Variants in BICC1 observed in about 807,000 individuals in gnomAD.
BICC1 encodes protein bicaudal C homolog 1.
A neutral mutation model predicts 111.0 loss-of-function variants in BICC1; 43 were observed. The ratio of observed to expected loss-of-function variants is 0.39; its 90% CI spans 0.30 to 0.50. The LOEUF is 0.50. BICC1 is among the 20% of genes least tolerant of loss of function. The pLI, the probability that BICC1 is intolerant of heterozygous loss-of-function variation, is 0.88. For synonymous variants in BICC1, 467 were observed against 434.4 expected (o/e 1.07, Z -0.93); for missense variants, 1,091 against 1,203.2 (o/e 0.91, Z 1.38).
intron 3 of BICC1, among the ~76,000 whole-genome samples, chr10:58,748,415 A>C (rs1255757830): frequency 6.6e-6 from 1 of 151,856 alleles, no homozygotes; most frequent in Admixed American, 6.6e-5. Flanking sequence ...TAAATTGGTT[A>C]CTTTTCCTAA....
chr10:58,727,681 T>C (rs774689731), intron 3 of BICC1, among the ~76,000 whole-genome samples: 1 of 152,192 alleles, frequency 6.6e-6, no homozygotes, highest in Non-Finnish European at 1.5e-5. Flanking sequence ...ATAGATTTCT[T>C]TTTGTATTGA....
chr10:58,632,964 AAGTT>A (rs1422325009), intron 2 of BICC1, among the ~76,000 whole-genome samples: 3 of 152,150 alleles, frequency 2.0e-5, no homozygotes, highest in Non-Finnish European at 2.9e-5. Flanking sequence ...TGAAATCTAA[AAGTT>A]AGGAGATCAT....
chr10:58,704,783 G>C (rs1311160337), intron 3 of BICC1, among the ~76,000 whole-genome samples: 1 of 152,200 alleles, frequency 6.6e-6, no homozygotes, highest in Admixed American at 6.5e-5. Flanking sequence ...TCCCCAGGCT[G>C]AGCTAGAGAG....
At chr10:58,715,665 A>G in intron 3 of BICC1, 1 of 1,601,984 alleles carries the variant, frequency 6.2e-7, no homozygotes, top group Non-Finnish European at 8.5e-7. Flanking sequence ...GAATTGACCA[A>G]GGCCTACCTG....
At position 58,828,839 on chromosome 10, in the gene BICC1, G is replaced by C. The variant is rs1317239559; in HGVS notation, c.2873G>C (p.Arg958Thr). The stretch of plus-strand genomic sequence containing the variant: ...TTCCTGGAAGGTGGAGCGAGTGGAA[G>C]GCTACCCCGTCAGTATCACTCAGAC... The part of the protein sequence containing the change: ...TSFLEGGASG[R>T]LPRQYHSDIA... The change falls in exon 21 of 21, where the codon AGG (arginine) becomes ACG (threonine). Residue 958 changes from arginine to threonine, a missense_variant. Physicochemically the swap from Arg to Thr is moderately conservative, Grantham distance 71. Coordinates refer to ENST00000373886, the MANE Select transcript of BICC1 (RefSeq NM_001080512.3). 2 of 1,614,028 alleles carry C rather than the reference G, an allele frequency of 1.2e-6. No homozygotes were observed. Among genetic ancestry groups the C allele is most frequent in the Non-Finnish European group, 1.7e-6 (2 of 1,179,920 alleles).
intron 1 of BICC1, among the ~76,000 whole-genome samples, chr10:58,552,636 C>T (rs1288172375): frequency 6.6e-6 from 1 of 152,094 alleles, no homozygotes; most frequent in Non-Finnish European, 1.5e-5. Context: ...CTTAAACACA[C>T]CGTAGTGAAC....
rs201783403 is a variant in BICC1, at chr10:58,582,043, TGC to T, written c.191-38811_191-38810del. Reference sequence around the variant, plus strand: ...TTTAAAGCAAAATTGTAGCATTCTCTGCACTCTTTCCCTAGCTCCTTAGCTTT... The same window carrying T: ...TTTAAAGCAAAATTGTAGCATTCTCTACTCTTTCCCTAGCTCCTTAGCTTT... On this transcript the variant is annotated intron_variant, in intron 1 of 20. Transcript: ENST00000373886. Among the ~76,000 whole-genome samples the T allele has an allele frequency of 7.8e-3, 1,182 of 151,758 alleles. 8 individuals carry two copies. The highest frequency in any genetic ancestry group is 0.024 in the Middle Eastern group (7 of 294).
chr10:58,620,083 C>T (rs1209218071), intron 1 of BICC1, among the ~76,000 whole-genome samples: 1 of 152,194 alleles, frequency 6.6e-6, no homozygotes, highest in Non-Finnish European at 1.5e-5. Flanking sequence ...CAGTCTGAGT[C>T]TGTTGCAAGC....
chr10:58,672,692 G>C (rs546828350), intron 2 of BICC1, among the ~76,000 whole-genome samples: 1 of 152,154 alleles, frequency 6.6e-6, no homozygotes, highest in South Asian at 2.1e-4. Flanking sequence ...TCCTTTCCCC[G>C]GTGGGAAATA....
intron 3 of BICC1, among the ~76,000 whole-genome samples, chr10:58,757,697 A>G (rs537161431): frequency 2.0e-5 from 3 of 152,310 alleles, no homozygotes; most frequent in East Asian, 1.9e-4. Flanking sequence ...GCCACTCTCA[A>G]GATATTCAAG....
intron 2 of BICC1, among the ~76,000 whole-genome samples, chr10:58,682,624 A>C (rs575751214): frequency 1.2e-3 from 179 of 152,260 alleles, no homozygotes; most frequent in African/African-American, 4.0e-3. Context: ...GCCAGTGATG[A>C]TGAGCATTTT....
intron 3 of BICC1, among the ~76,000 whole-genome samples, chr10:58,731,729 A>G (rs78047262): frequency 4.1e-5 from 3 of 73,990 alleles, no homozygotes; most frequent in African/African-American, 9.8e-5. Context: ...AGAGAGAGAG[A>G]GAGGGAGGGA....
At chr10:58,820,098 C>T (rs1844211220) in intron 19 of BICC1, among the ~76,000 whole-genome samples, 1 of 152,102 alleles carries the variant, frequency 6.6e-6, no homozygotes, top group African/African-American at 2.4e-5. Context: ...AATGCTCTTC[C>T]TTTTATCAGT....
intron 16 of BICC1, 79 bp downstream of exon 16, chr10:58,806,702 C>G (rs560142766): frequency 8.0e-7 from 1 of 1,244,092 alleles, no homozygotes; most frequent in Non-Finnish European, 1.1e-6. Flanking sequence ...CATGGTGAAT[C>G]GAGAACTTGA....
At chr10:58,679,421 A>G (rs1208559496) in intron 2 of BICC1, among the ~76,000 whole-genome samples, 1 of 152,242 alleles carries the variant, frequency 6.6e-6, no homozygotes, top group Non-Finnish European at 1.5e-5. Flanking sequence ...TATGCAAATA[A>G]ACTAGGTTAT....
At chr10:58,586,749 A>G (rs892528565) in intron 1 of BICC1, among the ~76,000 whole-genome samples, 1 of 152,234 alleles carries the variant, frequency 6.6e-6, no homozygotes, top group African/African-American at 2.4e-5. Context: ...ATATATGTAT[A>G]CATAGGCAGA....
intron 2 of BICC1, among the ~76,000 whole-genome samples, chr10:58,639,963 A>G (rs560262133): frequency 6.6e-6 from 1 of 152,096 alleles, no homozygotes; most frequent in South Asian, 2.1e-4. Context: ...AATCTTCTCA[A>G]ATGCAGTGTA....
At chr10:58,608,081 G>A (rs1023688375) in intron 1 of BICC1, among the ~76,000 whole-genome samples, 2 of 152,046 alleles carry the variant, frequency 1.3e-5, no homozygotes, top group Admixed American at 6.5e-5. Context: ...CAATATATGG[G>A]TATCACTGGT....
chr10:58,619,478 C>CT (rs60650027), intron 1 of BICC1, among the ~76,000 whole-genome samples: 18 of 120,748 alleles, frequency 1.5e-4, no homozygotes, highest in African/African-American at 5.1e-4. Context: ...AGTTTTGAAT[C>CT]TTTTTTTTTT....
Sources: gnomAD v4.1 joint callset for allele counts (sites outside exome capture counted in the v4.1 genomes callset) on GRCh38, gnomAD v4.1.1 for gene constraint, MANE v1.5 for transcripts, NCBI Gene and HGNC (gene_info 2026-07-23, HGNC 2026-07-21) for gene names.